The following CA10 variants were observed in gnomAD, a reference collection of about 807,000 sequenced individuals.
CA10 encodes carbonic anhydrase-related protein 10.
CA10 carries 14 observed loss-of-function variants against 44.2 expected under a neutral mutation model. That is an observed-to-expected ratio of 0.32 (90% CI 0.21 to 0.50). The LOEUF is 0.50. CA10 is among the 20% of genes least tolerant of loss of function. The pLI is 0.99. For missense variants in CA10, 350 were observed against 409.7 expected (o/e 0.85, Z 1.26); for synonymous variants, 159 against 141.6 (o/e 1.12, Z -0.87).
intron 3 of CA10, among the ~76,000 whole-genome samples, chr17:51,812,224 T>C (rs190991296): frequency 2.0e-5 from 3 of 152,372 alleles, no homozygotes; most frequent in East Asian, 3.9e-4. Flanking sequence ...AATTAAGTTA[T>C]ATAAACTTAT....
At chr17:51,771,815 C>G (rs1386611583) in intron 3 of CA10, among the ~76,000 whole-genome samples, 1 of 152,166 alleles carries the variant, frequency 6.6e-6, no homozygotes, top group African/African-American at 2.4e-5. Context: ...TTGACCAATA[C>G]CAAGCTGGCT....
chr17:51,672,984 A>G (rs1332302059), intron 4 of CA10, among the ~76,000 whole-genome samples: 2 of 152,182 alleles, frequency 1.3e-5, no homozygotes, highest in Non-Finnish European at 2.9e-5. Context: ...TGCCCAAGAA[A>G]TGGATTTTCT....
intron 2 of CA10, among the ~76,000 whole-genome samples, chr17:52,063,744 C>A (rs1987456320): frequency 6.6e-6 from 1 of 152,148 alleles, no homozygotes; most frequent in Non-Finnish European, 1.5e-5. Flanking sequence ...TCTTGTACAC[C>A]AGCCTGTAGA....
At chr17:51,636,983 T>A (rs942246954) in intron 6 of CA10, among the ~76,000 whole-genome samples, 2 of 152,164 alleles carry the variant, frequency 1.3e-5, no homozygotes, top group Non-Finnish European at 2.9e-5. Flanking sequence ...CATCTAAAAC[T>A]GTTACTATTA....
At chr17:52,038,867 T>C (rs575261219) in intron 2 of CA10, among the ~76,000 whole-genome samples, 1 of 152,312 alleles carries the variant, frequency 6.6e-6, no homozygotes, top group African/African-American at 2.4e-5. Context: ...GACTTGGTGT[T>C]TCTCTGGGTC....
intron 2 of CA10, among the ~76,000 whole-genome samples, chr17:52,046,108 T>C (rs982144012): frequency 6.6e-6 from 1 of 151,718 alleles, no homozygotes; most frequent in Non-Finnish European, 1.5e-5. Context: ...AGCACTAAAT[T>C]CTTATATTAA....
chr17:51,692,305 C>T (rs1454913468), intron 4 of CA10, among the ~76,000 whole-genome samples: 1 of 147,150 alleles, frequency 6.8e-6, no homozygotes, highest in African/African-American at 2.5e-5. Context: ...AGATTGATCA[C>T]TGTTAACATA....
intron 5 of CA10, among the ~76,000 whole-genome samples, chr17:51,652,271 T>A (rs1041792362): frequency 1.3e-5 from 2 of 152,246 alleles, no homozygotes; most frequent in Admixed American, 6.5e-5. Context: ...CTGAGTTTAT[T>A]ACTAAACAAC....
intron 2 of CA10, among the ~76,000 whole-genome samples, chr17:51,934,212 A>G (rs2144001668): frequency 6.6e-6 from 1 of 152,230 alleles, no homozygotes; most frequent in Non-Finnish European, 1.5e-5. Flanking sequence ...CACCTTAGAG[A>G]TCGTCTGACT....
At chr17:52,032,902 C>A (rs1277129727) in intron 2 of CA10, among the ~76,000 whole-genome samples, 1 of 152,164 alleles carries the variant, frequency 6.6e-6, no homozygotes, top group Non-Finnish European at 1.5e-5. Context: ...ATCAAAAATT[C>A]TGCAAGGACA....
At position 51,778,352 on chromosome 17, in the gene CA10, C is replaced by A. The variant is rs549622453; in HGVS notation, c.280-30534G>T. Among the ~76,000 whole-genome samples, 9 of 152,312 alleles carry A rather than the reference C, an allele frequency of 5.9e-5. No homozygotes were observed. In the South Asian group the frequency reaches 1.7e-3, roughly 28 times the overall value. ...GAAGCACCAGAGGCACAGCTCACAGCCCTTCAGACCCAGCATGCTGTGGAA... is the reference window on the plus strand; with the variant it reads ...GAAGCACCAGAGGCACAGCTCACAGACCTTCAGACCCAGCATGCTGTGGAA... On this transcript the variant is annotated intron_variant, in intron 3 of 8. Coordinates refer to ENST00000451037, the MANE Select transcript of CA10 (RefSeq NM_020178.5).
chr17:52,017,962 C>G (rs1986021225), intron 2 of CA10, among the ~76,000 whole-genome samples: 1 of 152,162 alleles, frequency 6.6e-6, no homozygotes, highest in African/African-American at 2.4e-5. Flanking sequence ...CCAGGTACAA[C>G]TCCAGCCAGA....
intron 4 of CA10, among the ~76,000 whole-genome samples, chr17:51,699,212 A>G (rs1191730481): frequency 6.6e-6 from 1 of 151,994 alleles, no homozygotes; most frequent in African/African-American, 2.4e-5. Context: ...AATCCCAGCT[A>G]CTTGGGAGGC....
At chr17:51,970,631 A>G (rs965245398) in intron 2 of CA10, among the ~76,000 whole-genome samples, 1 of 152,110 alleles carries the variant, frequency 6.6e-6, no homozygotes, top group African/African-American at 2.4e-5. Flanking sequence ...GCATGAGATA[A>G]GCATGATATG....
At chr17:51,934,211 G>C (rs1982775593) in intron 2 of CA10, among the ~76,000 whole-genome samples, 1 of 152,108 alleles carries the variant, frequency 6.6e-6, no homozygotes, top group African/African-American at 2.4e-5. Context: ...CCACCTTAGA[G>C]ATCGTCTGAC....
At chr17:51,717,280 G>A (rs759939302) in intron 4 of CA10, among the ~76,000 whole-genome samples, 3 of 151,944 alleles carry the variant, frequency 2.0e-5, no homozygotes, top group Non-Finnish European at 4.4e-5. Context: ...TGGGTGATAG[G>A]AGCATCTTTT....
chr17:52,058,039 C>G (rs1295378461), intron 2 of CA10, among the ~76,000 whole-genome samples: 1 of 152,098 alleles, frequency 6.6e-6, no homozygotes, highest in Non-Finnish European at 1.5e-5. Context: ...AGGAGTACTT[C>G]ATATTGGATG....
intron 2 of CA10, among the ~76,000 whole-genome samples, chr17:52,004,617 A>G (rs1985536964): frequency 2.0e-5 from 3 of 151,978 alleles, no homozygotes; most frequent in Non-Finnish European, 4.4e-5. Context: ...GATCTGGAAT[A>G]AATGTATGAC....
intron 3 of CA10, among the ~76,000 whole-genome samples, chr17:51,854,121 C>T (rs1978929463): frequency 6.6e-6 from 1 of 152,190 alleles, no homozygotes; most frequent in South Asian, 2.1e-4. Flanking sequence ...CTTCATCTCG[C>T]CAAGATTCTC....
Sources: gnomAD v4.1 joint callset for allele counts (sites outside exome capture counted in the v4.1 genomes callset) on GRCh38, gnomAD v4.1.1 for gene constraint, MANE v1.5 for transcripts, NCBI Gene and HGNC (gene_info 2026-07-23, HGNC 2026-07-21) for gene names.